The following CDH12 variants were observed in gnomAD, a reference collection of about 807,000 sequenced individuals.
CDH12 encodes cadherin 12, also known as cadherin-12.
In CDH12, 41 loss-of-function variants were observed where a neutral mutation model predicts 74.1. The observed-to-expected ratio is 0.55, with a 90% CI of 0.43 to 0.72. The LOEUF (loss-of-function observed/expected upper bound fraction) is 0.72. Ranked by LOEUF, CDH12 falls within the 30% of genes least tolerant of loss-of-function variation. CDH12 has a pLI of 0.00. For missense variants in CDH12, 945 were observed against 977.2 expected, an observed-to-expected ratio of 0.97 and a Z score of 0.44; for synonymous variants, 399 against 355.0, an observed-to-expected ratio of 1.12 and a Z score of -1.39.
chr5:22,512,203 G>T (rs1030686509), intron 1 of CDH12, among the ~76,000 whole-genome samples: 2 of 152,102 alleles, frequency 1.3e-5, no homozygotes, highest in Admixed American at 1.3e-4. Context: ...GGCAACAAAA[G>T]ACTATATTAA....
intron 9 of CDH12, among the ~76,000 whole-genome samples, chr5:21,805,180 C>T (rs946026033): frequency 2.6e-5 from 4 of 151,918 alleles, no homozygotes; most frequent in African/African-American, 9.7e-5. Flanking sequence ...ACCAATCATT[C>T]CCCATTTCCC....
chr5:22,801,690 T>C (rs1310285257), intron 1 of CDH12, among the ~76,000 whole-genome samples: 1 of 128,572 alleles, frequency 7.8e-6, no homozygotes, highest in Non-Finnish European at 1.6e-5. Context: ...TATATACACT[T>C]TGTTTAATAG....
chr5:21,837,541 T>A (rs1749607517), intron 8 of CDH12, among the ~76,000 whole-genome samples: 1 of 151,970 alleles, frequency 6.6e-6, no homozygotes, highest in Non-Finnish European at 1.5e-5. Context: ...AATTCTTTCT[T>A]ATGTATGTAT....
chr5:22,562,239 C>A (rs1039409567), intron 1 of CDH12, among the ~76,000 whole-genome samples: 1 of 151,800 alleles, frequency 6.6e-6, no homozygotes, highest in Non-Finnish European at 1.5e-5. Context: ...ATGGCGTGAA[C>A]CCGGGAGGTG....
At chr5:22,357,479 G>A (rs1220294530) in intron 3 of CDH12, among the ~76,000 whole-genome samples, 2 of 152,032 alleles carry the variant, frequency 1.3e-5, no homozygotes, top group East Asian at 3.9e-4. Flanking sequence ...TTGTAAAAAT[G>A]AAAATAATTC....
At chr5:22,673,877 A>T (rs1213146252) in intron 1 of CDH12, among the ~76,000 whole-genome samples, 1 of 152,216 alleles carries the variant, frequency 6.6e-6, no homozygotes, top group Non-Finnish European at 1.5e-5. Flanking sequence ...TAAATAGTAC[A>T]CTTAATTGAG....
chr5:21,842,064 G>T (rs984190964), intron 8 of CDH12, 97 bp downstream of exon 8: 2 of 918,992 alleles, frequency 2.2e-6, no homozygotes, highest in East Asian at 2.5e-5. Context: ...TAAAGACTAA[G>T]TGTCTGGAAA....
intron 3 of CDH12, among the ~76,000 whole-genome samples, chr5:22,363,367 G>T (rs1740901347): frequency 6.6e-6 from 1 of 152,052 alleles, no homozygotes; most frequent in South Asian, 2.1e-4. Context: ...TTTAATGGCA[G>T]TTAATCCATT....
chr5:22,424,002 CAAAAAAAAAAAA>C (rs1165781089), intron 2 of CDH12, among the ~76,000 whole-genome samples: 2 of 31,226 alleles, frequency 6.4e-5, no homozygotes, highest in East Asian at 2.2e-3. Flanking sequence ...GACTCTGTCT[CAAAAAAAAAAAA>C]AAAAAAAAAA....
intron 1 of CDH12, among the ~76,000 whole-genome samples, chr5:22,825,353 T>A (rs1736257731): frequency 6.6e-6 from 1 of 152,178 alleles, no homozygotes; most frequent in Non-Finnish European, 1.5e-5. Context: ...AAATGTGGGT[T>A]AGGCTTACAA....
intron 3 of CDH12, among the ~76,000 whole-genome samples, chr5:22,373,747 T>G (rs1018326946): frequency 8.5e-5 from 13 of 152,272 alleles, no homozygotes; most frequent in Non-Finnish European, 2.9e-5. Flanking sequence ...AAAGCCAAAG[T>G]GCCCTACCAA....
intron 1 of CDH12, among the ~76,000 whole-genome samples, chr5:22,747,904 A>G (rs1048455638): frequency 1.3e-5 from 2 of 152,182 alleles, no homozygotes; most frequent in East Asian, 3.9e-4. Context: ...TCAAATTCTT[A>G]TATTCTGGTA....
intron 6 of CDH12, among the ~76,000 whole-genome samples, chr5:21,910,761 C>T (rs1273073258): frequency 6.6e-6 from 1 of 151,586 alleles, no homozygotes; most frequent in Non-Finnish European, 1.5e-5. Context: ...CACCAAGAAA[C>T]CTCATTCCAT....
intron 4 of CDH12, among the ~76,000 whole-genome samples, chr5:22,203,676 T>C (rs1751043626): frequency 6.6e-6 from 1 of 152,176 alleles, no homozygotes; most frequent in Non-Finnish European, 1.5e-5. Flanking sequence ...TTCCTACTCT[T>C]GCCTATAATG....
At chr5:22,224,382 A>G (rs1752122310) in intron 3 of CDH12, among the ~76,000 whole-genome samples, 1 of 151,386 alleles carries the variant, frequency 6.6e-6, no homozygotes, top group South Asian at 2.1e-4. Context: ...TTCTGACCTC[A>G]GGCAGAAAAG....
At chr5:22,832,550 A>C (rs6452097) in intron 1 of CDH12, among the ~76,000 whole-genome samples, 102,534 of 151,916 alleles carry the variant, frequency 0.67, 34,996 homozygotes, top group Admixed American at 0.72. Flanking sequence ...GTTTATTATC[A>C]ACGTGTCAAT....
At chr5:22,329,871 C>T (rs1439141119) in intron 3 of CDH12, among the ~76,000 whole-genome samples, 1 of 152,174 alleles carries the variant, frequency 6.6e-6, no homozygotes, top group African/African-American at 2.4e-5. Flanking sequence ...GCAGGCCCTG[C>T]CACTGTGGAC....
At chr5:22,813,734 A>G (rs1199477760) in intron 1 of CDH12, among the ~76,000 whole-genome samples, 1 of 152,150 alleles carries the variant, frequency 6.6e-6, no homozygotes, top group Admixed American at 6.6e-5. Context: ...CTCAACTGCA[A>G]AAAAACTAAG....
At chr5:22,624,637 G>A (rs932823387) in intron 1 of CDH12, among the ~76,000 whole-genome samples, 9 of 152,090 alleles carry the variant, frequency 5.9e-5, no homozygotes, top group East Asian at 3.9e-4. Flanking sequence ...TTAGAATGGC[G>A]ATCATTAAAA....
Sources: gnomAD v4.1 joint callset for allele counts (sites outside exome capture counted in the v4.1 genomes callset) on GRCh38, gnomAD v4.1.1 for gene constraint, MANE v1.5 for transcripts, NCBI Gene and HGNC (gene_info 2026-07-23, HGNC 2026-07-21) for gene names.